IL1RL1: variants seen among roughly 807,000 people sequenced by gnomAD.
The protein encoded by IL1RL1 is interleukin 1 receptor like 1, also known as interleukin-1 receptor-like 1.
A neutral mutation model predicts 50.9 loss-of-function variants in IL1RL1; 32 were observed. The ratio of observed to expected loss-of-function variants is 0.63; its 90% confidence interval spans 0.47 to 0.84. The LOEUF is 0.84. Among genes scored for constraint, IL1RL1 ranks in the 40% least tolerant of loss-of-function variants. The pLI, the probability that IL1RL1 is intolerant of heterozygous loss-of-function variation, is 0.00. For synonymous variants in IL1RL1, 275 were observed against 236.0 expected (o/e 1.17, Z -1.51); for missense variants, 773 against 662.9 (o/e 1.17, Z -1.82).
At chr2:102,350,232 G>A (rs750397845) in intron 10 of IL1RL1, among the ~76,000 whole-genome samples, 1 of 152,238 alleles carries the variant, frequency 6.6e-6, no homozygotes, top group Admixed American at 6.5e-5. Flanking sequence ...TATTACAAAT[G>A]TACTCAAGAA....
chr2:102,314,626 C>T (rs1676620002), intron 1 of IL1RL1, among the ~76,000 whole-genome samples: 3 of 151,824 alleles, frequency 2.0e-5, no homozygotes, highest in Admixed American at 6.6e-5. Context: ...AATTTTGAGC[C>T]CATTCTATGA....
chr2:102,325,751 A>T lies in IL1RL1; in HGVS notation c.-149-12365A>T, dbSNP rs189419097. On this transcript the variant is annotated intron_variant, in intron 1 of 10. Coordinates refer to ENST00000233954, the MANE Select transcript of IL1RL1 (RefSeq NM_016232.5). ...TTGATCAACTGGAAGAAAGGGTATC[A>T]GTGACGGAAGATCAAATGAATGAAA... 1.4e-3 allele frequency among the ~76,000 whole-genome samples: 211 copies of T among 152,348 alleles called. 2 individuals are homozygous for T. Among genetic ancestry groups the T allele is most frequent in the Admixed American group, 0.014 (210 of 15,304 alleles).
chr2:102,336,846 A>T (rs1301371479), intron 1 of IL1RL1, among the ~76,000 whole-genome samples: 1 of 152,068 alleles, frequency 6.6e-6, no homozygotes, highest in Non-Finnish European at 1.5e-5. Context: ...CCTCTCCCCC[A>T]CCTTTGCTTT....
At chr2:102,345,990 G>T in intron 8 of IL1RL1, 2 of 985,130 alleles carry the variant, frequency 2.0e-6, no homozygotes, top group Non-Finnish European at 2.4e-6. Flanking sequence ...GGTGTTTAAT[G>T]ATTTTGCTCC....
At position 102,351,685 on chromosome 2, in the gene IL1RL1, C is replaced by T. The variant is rs770694465; in HGVS notation, c.1435C>T (p.Leu479Phe). 17 of 1,613,980 alleles carry T rather than the reference C, an allele frequency of 1.1e-5. No homozygotes were observed. Among genetic ancestry groups the T allele is most frequent in the Admixed American group, 3.3e-5 (2 of 59,980 alleles). ...ALIQNDAKVILIEMEALSELD... is the reference protein window; with the variant it reads ...ALIQNDAKVIFIEMEALSELD... ...CATCCAGAACGACGCCAAGGTGATA[C>T]TTATTGAGATGGAGGCTCTGAGCGA... Residue 479 changes from leucine to phenylalanine, a missense_variant, in exon 11 of 11, where the codon CTT becomes TTT. Coordinates refer to ENST00000233954, the MANE Select transcript of IL1RL1 (RefSeq NM_016232.5).
chr2:102,330,199 A>G (rs1434978817), intron 1 of IL1RL1, among the ~76,000 whole-genome samples: 1 of 152,180 alleles, frequency 6.6e-6, no homozygotes, highest in African/African-American at 2.4e-5. Flanking sequence ...AGGGACATGG[A>G]TGAAACTGGA....
At position 102,340,109 on chromosome 2, in the gene IL1RL1, A is replaced by G. The variant is rs1438010777; in HGVS notation, c.284A>G (p.Asn95Ser). 3.2e-5 allele frequency: 49 copies of G among 1,541,200 alleles called. No homozygotes were observed. Among genetic ancestry groups the G allele is most frequent in the Non-Finnish European group, 4.1e-5 (47 of 1,142,620 alleles). ...YTCIVRSPTF[N>S]RTGYANVTIY... ...ACTTATTTTAACAGTCCCACATTCAATAGGACTGGATATGCGAATGTCACC... is the reference window on the plus strand; with the variant it reads ...ACTTATTTTAACAGTCCCACATTCAGTAGGACTGGATATGCGAATGTCACC... Residue 95 changes from asparagine to serine, a missense_variant, in exon 4 of 11, where the codon AAT becomes AGT. Coordinates refer to ENST00000233954, the MANE Select transcript of IL1RL1 (RefSeq NM_016232.5).
intron 8 of IL1RL1, chr2:102,346,044 T>A (rs1034545161): frequency 2.0e-6 from 2 of 978,894 alleles, no homozygotes; most frequent in Non-Finnish European, 1.2e-6. Flanking sequence ...TAAATCAACA[T>A]GGTTACACTC....
intron 8 of IL1RL1, chr2:102,345,061 G>A: frequency 1.5e-5 from 14 of 923,920 alleles, no homozygotes; most frequent in Non-Finnish European, 1.7e-5. Context: ...GCAGGGTGGA[G>A]AGAGTGATCC....
intron 1 of IL1RL1, among the ~76,000 whole-genome samples, chr2:102,319,328 ACT>A (rs1418797556): frequency 6.6e-6 from 1 of 152,090 alleles, no homozygotes; most frequent in Non-Finnish European, 1.5e-5. Context: ...CTAGGATTCA[ACT>A]CTTTCTCTTA....
At chr2:102,330,436 C>T (rs1165537134) in intron 1 of IL1RL1, among the ~76,000 whole-genome samples, 1 of 152,142 alleles carries the variant, frequency 6.6e-6, no homozygotes, top group African/African-American at 2.4e-5. Context: ...CACATGTATA[C>T]ATATGTAAAA....
intron 8 of IL1RL1, chr2:102,344,878 GT>G: frequency 1.0e-6 from 1 of 972,702 alleles, no homozygotes; most frequent in Non-Finnish European, 1.2e-6. Flanking sequence ...CTTCCCTACA[GT>G]TTTTTCTGAA....
At chr2:102,324,010 G>A (rs1676917000) in intron 1 of IL1RL1, among the ~76,000 whole-genome samples, 2 of 97,606 alleles carry the variant, frequency 2.0e-5, no homozygotes, top group African/African-American at 3.4e-5. Context: ...TTCATCAGTA[G>A]TTCTTTTTTT....
At chr2:102,327,615 A>G (rs1677048493) in intron 1 of IL1RL1, among the ~76,000 whole-genome samples, 1 of 152,252 alleles carries the variant, frequency 6.6e-6, no homozygotes, top group South Asian at 2.1e-4. Flanking sequence ...TAGCAAGACT[A>G]ATAAAGAAGA....
chr2:102,340,174 T>G lies in IL1RL1; in HGVS notation c.349T>G (p.Leu117Val). 5.6e-6 allele frequency: 9 copies of G among 1,600,298 alleles called. No homozygotes were observed. Among genetic ancestry groups the G allele is most frequent in the Non-Finnish European group, 7.7e-6 (9 of 1,173,084 alleles). Residue 117 changes from leucine (L) to valine (V), a missense_variant, in exon 4 of 11, where the codon TTG becomes GTG. Leu to Val is a conservative substitution (Grantham distance 32). Coordinates refer to ENST00000233954, the MANE Select transcript of IL1RL1 (RefSeq NM_016232.5). ...ATCAGATTGCAATGTTCCAGATTAT[T>G]TGATGTATTCAACAGTATCTGGATC... ...KQSDCNVPDY[L>V]MYSTVSGSEK...
rs1251982073 is a variant in IL1RL1 at position 102,349,236 on chromosome 2, A to G, written c.1275A>G (p.Leu425=). 1 of 1,613,228 alleles carries G rather than the reference A, an allele frequency of 6.2e-7. No homozygotes were observed. The highest frequency in any genetic ancestry group is 1.3e-5 in the African/African-American group (1 of 74,894). ...TATGCATTTATGGGAGAGATATGCT[A>G]CCTGGAGAAGGTAAAGCTATTGACA... The part of the protein sequence containing the change: ...YTLCIYGRDM[L]PGEDVVTAVE... Residue 425 remains leucine, a synonymous_variant, in exon 10 of 11, where the codon CTA becomes CTG. Coordinates refer to ENST00000233954, the MANE Select transcript of IL1RL1 (RefSeq NM_016232.5).
chr2:102,315,243 G>T (rs1676643222), intron 1 of IL1RL1, among the ~76,000 whole-genome samples: 1 of 152,056 alleles, frequency 6.6e-6, no homozygotes, highest in South Asian at 2.1e-4. Context: ...GGATGATGTG[G>T]ATCCCCCTGG....
rs1391276622 is a variant in IL1RL1 at position 102,320,550 on chromosome 2, T to G, written c.-150+8927T>G. 2.0e-5 allele frequency among the ~76,000 whole-genome samples: 3 copies of G among 152,156 alleles called. No homozygotes were observed. In the East Asian group the frequency reaches 5.8e-4, roughly 29 times the overall value. On this transcript the variant is annotated intron_variant, in intron 1 of 10. Transcript: ENST00000233954. ...TTCATCCTACTGATGGGTTCACATC[T>G]CCAGTTTTATGTCTAATGAGGTGTC...
chr2:102,347,977 G>A lies in IL1RL1; in HGVS notation c.1003G>A (p.Val335Ile), dbSNP rs879063318. 2 of 1,554,726 alleles carry A rather than the reference G, an allele frequency of 1.3e-6. No homozygotes were observed. Among genetic ancestry groups the A allele is most frequent in the South Asian group, 1.1e-5 (1 of 89,812 alleles). The change falls in exon 9 of 11, where the codon GTA becomes ATA. Residue 335 changes from valine (V) to isoleucine (I), a missense_variant. Coordinates refer to ENST00000233954, the MANE Select transcript of IL1RL1 (RefSeq NM_016232.5). ...DHHSIYCIIA[V>I]CSVFLMLINV... Reference sequence around the variant, plus strand: ...TCATAGCATCTACTGCATAATTGCAGTATGTAGTGTATTTTTAATGCTAAT... The same window carrying A: ...TCATAGCATCTACTGCATAATTGCAATATGTAGTGTATTTTTAATGCTAAT...
Sources: gnomAD v4.1 joint callset for allele counts (sites outside exome capture counted in the v4.1 genomes callset) on GRCh38, gnomAD v4.1.1 for gene constraint, MANE v1.5 for transcripts, NCBI Gene and HGNC (gene_info 2026-07-23, HGNC 2026-07-21) for gene names.